The following TECRL variants were observed in gnomAD, a reference collection of about 807,000 sequenced individuals.
The protein encoded by TECRL is trans-2,3-enoyl-CoA reductase like.
TECRL carries 63 observed loss-of-function variants against 52.8 expected under a neutral mutation model. That is an observed-to-expected ratio of 1.19 (90% CI 0.97 to 1.47). The LOEUF (loss-of-function observed/expected upper bound fraction) is 1.47. Ranked by LOEUF, TECRL falls within the 40% of genes most tolerant of loss-of-function variation. TECRL has a pLI of 0.00. For missense variants in TECRL, 482 were observed against 429.6 expected (o/e 1.12, Z -1.08); for synonymous variants, 164 against 141.9 (o/e 1.16, Z -1.10).
chr4:64,297,892 G>A (rs1278687381), intron 8 of TECRL, among the ~76,000 whole-genome samples: 1 of 150,992 alleles, frequency 6.6e-6, no homozygotes, highest in Non-Finnish European at 1.5e-5. Context: ...TGTCTTAACA[G>A]TAAACACTAC....
chr4:64,315,750 C>T (rs1178908498), intron 4 of TECRL, among the ~76,000 whole-genome samples: 1 of 151,968 alleles, frequency 6.6e-6, no homozygotes, highest in Non-Finnish European at 1.5e-5. Context: ...CATATATATT[C>T]ATATGCATAT....
chr4:64,340,079 C>A (rs982568254), intron 2 of TECRL, among the ~76,000 whole-genome samples: 1 of 152,178 alleles, frequency 6.6e-6, no homozygotes, highest in Non-Finnish European at 1.5e-5. Context: ...ATACTGATGG[C>A]AGCATCAGGT....
intron 3 of TECRL, 141 bp downstream of exon 3, chr4:64,328,371 G>C: frequency 1.7e-6 from 1 of 590,354 alleles, no homozygotes; most frequent in East Asian, 3.1e-5. Flanking sequence ...ATTTATAAAA[G>C]TGGAGCTCTA....
At chr4:64,332,866 A>G (rs1010500641) in intron 2 of TECRL, among the ~76,000 whole-genome samples, 11 of 152,178 alleles carry the variant, frequency 7.2e-5, no homozygotes, top group African/African-American at 2.4e-4. Context: ...AAAGTACATC[A>G]TTCTAATATA....
chr4:64,337,542 C>T (rs1237530739), intron 2 of TECRL, among the ~76,000 whole-genome samples: 1 of 152,074 alleles, frequency 6.6e-6, no homozygotes, highest in East Asian at 1.9e-4. Context: ...CATCTCAGCC[C>T]AAAATCTCCT....
chr4:64,377,513 A>G (rs1722485796), intron 1 of TECRL, among the ~76,000 whole-genome samples: 1 of 152,004 alleles, frequency 6.6e-6, no homozygotes, highest in Admixed American at 6.6e-5. Flanking sequence ...TCATTTCCAT[A>G]ATTATACAGA....
intron 8 of TECRL, among the ~76,000 whole-genome samples, chr4:64,291,646 C>A (rs912406592): frequency 6.6e-6 from 1 of 151,808 alleles, no homozygotes; most frequent in Non-Finnish European, 1.5e-5. Flanking sequence ...TTATTTATCA[C>A]AACAAAACTA....
chr4:64,315,369 A>G (rs1200020762), intron 4 of TECRL, among the ~76,000 whole-genome samples: 2 of 152,112 alleles, frequency 1.3e-5, no homozygotes, highest in Non-Finnish European at 2.9e-5. Context: ...GAGAGACACT[A>G]ACAATATTTG....
chr4:64,293,275 C>G (rs1022627833), intron 8 of TECRL, among the ~76,000 whole-genome samples: 21 of 151,904 alleles, frequency 1.4e-4, no homozygotes, highest in African/African-American at 5.1e-4. Flanking sequence ...ACCCTCTATA[C>G]TCTCATTTCT....
chr4:64,319,247 C>T (rs1028570329), intron 4 of TECRL, among the ~76,000 whole-genome samples: 1 of 151,492 alleles, frequency 6.6e-6, no homozygotes, highest in African/African-American at 2.4e-5. Context: ...GGTTATAGAA[C>T]ACGTGAGACA....
intron 2 of TECRL, among the ~76,000 whole-genome samples, chr4:64,339,182 G>A (rs1302768354): frequency 6.6e-6 from 1 of 150,516 alleles, no homozygotes; most frequent in Admixed American, 6.7e-5. Context: ...CTATCACAAT[G>A]GCAAAAAACC....
chr4:64,302,288 A>T (rs1431076790), intron 7 of TECRL, among the ~76,000 whole-genome samples: 1 of 151,446 alleles, frequency 6.6e-6, no homozygotes, highest in Admixed American at 6.6e-5. Flanking sequence ...TTATGCAGCC[A>T]AATTTGATGA....
intron 6 of TECRL, among the ~76,000 whole-genome samples, chr4:64,308,196 A>T (rs1243975111): frequency 3.9e-5 from 6 of 152,134 alleles, no homozygotes. Context: ...CTACAAGAAC[A>T]CACCTGAACC....
chr4:64,355,752 A>G (rs1720723230), intron 2 of TECRL, among the ~76,000 whole-genome samples: 1 of 143,974 alleles, frequency 6.9e-6, no homozygotes, highest in African/African-American at 2.5e-5. Flanking sequence ...CCGAGACTGC[A>G]CTACTGCACT....
chr4:64,316,302 C>T (rs1397379929), intron 4 of TECRL, among the ~76,000 whole-genome samples: 1 of 152,030 alleles, frequency 6.6e-6, no homozygotes, highest in Non-Finnish European at 1.5e-5. Flanking sequence ...TTATCTCAAT[C>T]ATCTCTCAAA....
chr4:64,374,576 C>A lies in TECRL; in HGVS notation c.286+596G>T, dbSNP rs552761217. ...TCCCTCCCCGCTCCCCCCACCCCAC[C>A]ACAGGCCCCGGTGTGTGATGTTCCC... On this transcript the variant is annotated intron_variant, in intron 2 of 11. Transcript: ENST00000381210. 5.9e-5 allele frequency among the ~76,000 whole-genome samples: 9 copies of A among 151,952 alleles called. No individual in the cohort carries two copies. In the East Asian group the frequency reaches 1.2e-3, roughly 20 times the overall value.
intron 2 of TECRL, among the ~76,000 whole-genome samples, chr4:64,332,557 A>G (rs1718719486): frequency 6.6e-6 from 1 of 152,224 alleles, no homozygotes; most frequent in Non-Finnish European, 1.5e-5. Context: ...GGGAAATTAA[A>G]AAGGTATTAT....
chr4:64,301,165 T>C (rs997357192), intron 7 of TECRL, among the ~76,000 whole-genome samples: 42 of 150,952 alleles, frequency 2.8e-4, no homozygotes, highest in African/African-American at 8.9e-4. Flanking sequence ...ATTTAGGAAA[T>C]AGAGAAAAGT....
At chr4:64,374,079 A>ATATATATATATATATATATATTTATT (rs1343885987) in intron 2 of TECRL, among the ~76,000 whole-genome samples, 2 of 96,778 alleles carry the variant, frequency 2.1e-5, no homozygotes, top group South Asian at 3.8e-4. Context: ...ATATATATAT[A>ATATATATATATATATATATATTTATT]TATTTATCTT....
Sources: gnomAD v4.1 joint callset for allele counts (sites outside exome capture counted in the v4.1 genomes callset) on GRCh38, gnomAD v4.1.1 for gene constraint, MANE v1.5 for transcripts, NCBI Gene and HGNC (gene_info 2026-07-23, HGNC 2026-07-21) for gene names.